LRRIQ3: variants seen among roughly 807,000 people sequenced by gnomAD.
LRRIQ3 encodes leucine-rich repeat and IQ domain-containing protein 3.
A neutral mutation model predicts 59.3 loss-of-function variants in LRRIQ3; 75 were observed. The observed-to-expected ratio is 1.26, with a 90% CI of 1.05 to 1.53. LRRIQ3 has a LOEUF of 1.53. Among genes scored for constraint, LRRIQ3 ranks in the 40% most tolerant of loss-of-function variants. The pLI is 0.00. For missense variants in LRRIQ3, 831 were observed against 710.0 expected, an observed-to-expected ratio of 1.17 and a Z score of -1.94; for synonymous variants, 250 against 231.3, an observed-to-expected ratio of 1.08 and a Z score of -0.73.
chr1:74,164,928 C>A (rs1648884693), intron 3 of LRRIQ3, among the ~76,000 whole-genome samples: 1 of 151,476 alleles, frequency 6.6e-6, no homozygotes, highest in African/African-American at 2.4e-5. Flanking sequence ...GACTTTTTTA[C>A]TTCATCAAAT....
chr1:74,087,666 A>T (rs899974332), intron 5 of LRRIQ3, among the ~76,000 whole-genome samples: 1 of 152,022 alleles, frequency 6.6e-6, no homozygotes, highest in African/African-American at 2.4e-5. Context: ...ATTGATACTT[A>T]TATCTATAAA....
intron 3 of LRRIQ3, among the ~76,000 whole-genome samples, chr1:74,161,606 T>C (rs528211725): frequency 1.8e-4 from 28 of 151,882 alleles, no homozygotes; most frequent in East Asian, 1.6e-3. Context: ...GGAGGGAATT[T>C]AGATGATTAG....
chr1:74,144,143 C>T (rs80290552), intron 4 of LRRIQ3, among the ~76,000 whole-genome samples: 1,705 of 151,898 alleles, frequency 0.011, 46 homozygotes, highest in East Asian at 0.055. Flanking sequence ...CTCTTTTCTC[C>T]TTAACAAAGT....
At chr1:74,040,257 C>T (rs367884711) in intron 7 of LRRIQ3, among the ~76,000 whole-genome samples, 6 of 152,028 alleles carry the variant, frequency 3.9e-5, no homozygotes, top group South Asian at 2.1e-4. Context: ...TAAATATATA[C>T]GCACCCAATA....
chr1:74,195,619 A>G (rs942474465), intron 1 of LRRIQ3, among the ~76,000 whole-genome samples: 1 of 152,202 alleles, frequency 6.6e-6, no homozygotes, highest in South Asian at 2.1e-4. Flanking sequence ...CCTCCTGGAA[A>G]TAAAAAGCCC....
intron 7 of LRRIQ3, among the ~76,000 whole-genome samples, chr1:74,032,209 T>C (rs185363714): frequency 6.6e-6 from 1 of 152,184 alleles, no homozygotes; most frequent in Non-Finnish European, 1.5e-5. Flanking sequence ...TTTATTAAAA[T>C]TTAAATTTAT....
chr1:74,182,367 T>G (rs1462682574), intron 3 of LRRIQ3, 171 bp downstream of exon 3: 2 of 376,504 alleles, frequency 5.3e-6, no homozygotes, highest in Non-Finnish European at 9.1e-6. Flanking sequence ...ATGCAAACTT[T>G]TATCAAGTTT....
At chr1:74,043,379 T>G (rs886879612) in intron 6 of LRRIQ3, among the ~76,000 whole-genome samples, 1 of 152,118 alleles carries the variant, frequency 6.6e-6, no homozygotes. Flanking sequence ...GGGCAGGGCT[T>G]GTAGTCTAGA....
chr1:74,170,020 T>G (rs1557651323), intron 3 of LRRIQ3, among the ~76,000 whole-genome samples: 1 of 152,166 alleles, frequency 6.6e-6, no homozygotes, highest in Non-Finnish European at 1.5e-5. Flanking sequence ...GGGTTATTTT[T>G]TGTTTGTTTG....
At chr1:74,143,876 A>G (rs1341393041) in intron 4 of LRRIQ3, among the ~76,000 whole-genome samples, 3 of 151,836 alleles carry the variant, frequency 2.0e-5, no homozygotes, top group Non-Finnish European at 4.4e-5. Flanking sequence ...AGTACATTAT[A>G]AATGTTTTAT....
At chr1:74,154,744 T>C (rs987698083) in intron 4 of LRRIQ3, among the ~76,000 whole-genome samples, 8 of 152,314 alleles carry the variant, frequency 5.3e-5, no homozygotes, top group African/African-American at 1.7e-4. Flanking sequence ...GTATGCACTT[T>C]TCAGCAACTG....
At chr1:74,059,458 G>T (rs1205465384) in intron 6 of LRRIQ3, among the ~76,000 whole-genome samples, 1 of 151,938 alleles carries the variant, frequency 6.6e-6, no homozygotes, top group Non-Finnish European at 1.5e-5. Context: ...TTTGAATGTA[G>T]ATATATAGTT....
At chr1:74,031,429 G>A (rs1438420996) in intron 7 of LRRIQ3, among the ~76,000 whole-genome samples, 3 of 152,114 alleles carry the variant, frequency 2.0e-5, no homozygotes, top group Non-Finnish European at 4.4e-5. Context: ...ATACTATGCA[G>A]CCACAAAAAA....
chr1:74,083,392 C>A (rs1646293375), intron 5 of LRRIQ3: 1 of 151,702 alleles, frequency 6.6e-6, no homozygotes, highest in Non-Finnish European at 1.5e-5. Flanking sequence ...GTTGGCAAAC[C>A]ATTTCTACCA....
chr1:74,126,197 T>G (rs1646933782), intron 4 of LRRIQ3, among the ~76,000 whole-genome samples: 1 of 151,900 alleles, frequency 6.6e-6, no homozygotes, highest in African/African-American at 2.4e-5. Context: ...TTGCTTGTGA[T>G]GTCTCTACTA....
chr1:74,054,746 ATATATATATATC>A (rs995858217), intron 6 of LRRIQ3, among the ~76,000 whole-genome samples: 6 of 145,246 alleles, frequency 4.1e-5, no homozygotes, highest in African/African-American at 1.5e-4. Flanking sequence ...ACAAATATAT[ATATATATATATC>A]TATATATCTA....
intron 4 of LRRIQ3, among the ~76,000 whole-genome samples, chr1:74,124,724 G>A (rs948783162): frequency 6.6e-6 from 1 of 151,848 alleles, no homozygotes; most frequent in Non-Finnish European, 1.5e-5. Context: ...CTATATGTCT[G>A]TTTTTAGAAC....
intron 4 of LRRIQ3, among the ~76,000 whole-genome samples, chr1:74,123,682 A>G (rs1646894582): frequency 6.6e-6 from 1 of 151,856 alleles, no homozygotes; most frequent in Non-Finnish European, 1.5e-5. Context: ...TATGTACCAC[A>G]TTTTCTTTAT....
chr1:74,193,185 T>C (rs1436099403), intron 1 of LRRIQ3, among the ~76,000 whole-genome samples: 1 of 152,190 alleles, frequency 6.6e-6, no homozygotes, highest in East Asian at 1.9e-4. Context: ...TATAACTATT[T>C]TGTGAAATGT....
Sources: allele counts gnomAD v4.1 joint callset (sites outside exome capture counted in the v4.1 genomes callset), GRCh38; gene constraint gnomAD v4.1.1; transcripts MANE v1.5; gene names NCBI Gene and HGNC (gene_info 2026-07-23, HGNC 2026-07-21).